The following XIRP2 variants were observed in gnomAD, a reference collection of about 807,000 sequenced individuals.
XIRP2 encodes xin actin binding repeat containing 2.
A neutral mutation model predicts 277.0 loss-of-function variants in XIRP2; 236 were observed. That is an observed-to-expected ratio of 0.85 (90% CI 0.77 to 0.95). XIRP2 has a LOEUF of 0.95. Among genes scored for constraint, XIRP2 ranks in the 40% least tolerant of loss-of-function variants. The pLI is 0.00. For synonymous variants in XIRP2, 1,490 were observed against 1,416.5 expected, an observed-to-expected ratio of 1.05 and a Z score of -1.17; for missense variants, 4,640 against 4,157.5, an observed-to-expected ratio of 1.12 and a Z score of -3.19.
intron 2 of XIRP2, among the ~76,000 whole-genome samples, chr2:167,007,832 AGT>A (rs986780840): frequency 2.6e-5 from 4 of 151,704 alleles, no homozygotes; most frequent in African/African-American, 9.6e-5. Context: ...ACATGATCAA[AGT>A]GTGTACATTT....
At chr2:167,220,023 A>G (rs1694375570) in intron 5 of XIRP2, among the ~76,000 whole-genome samples, 1 of 152,234 alleles carries the variant, frequency 6.6e-6, no homozygotes. Flanking sequence ...GTGGAGTACC[A>G]GAGCTGGCTT....
rs533131038 is a variant in XIRP2 at position 167,254,367 on chromosome 2, A to T, written c.*39+202A>T. Among the ~76,000 whole-genome samples the T allele has an allele frequency of 4.6e-5, 7 of 152,036 alleles. No individual in the cohort carries two copies. In the East Asian group the frequency reaches 1.4e-3, roughly 30 times the overall value. ...GAATTTTACTTTTCTAATCAAATCC[A>T]AAAGCATCCCTTTTGTCTGAACACA... On this transcript the variant is annotated intron_variant, in intron 10 of 10. Transcript: ENST00000409195.
intron 3 of XIRP2, among the ~76,000 whole-genome samples, chr2:167,175,539 C>A (rs1692816784): frequency 6.6e-6 from 1 of 152,104 alleles, no homozygotes; most frequent in South Asian, 2.1e-4. Flanking sequence ...CTGCCAGATG[C>A]CAGCTGGAGC....
intron 2 of XIRP2, among the ~76,000 whole-genome samples, chr2:167,005,710 T>G (rs1687485907): frequency 6.6e-6 from 1 of 151,688 alleles, no homozygotes; most frequent in South Asian, 2.1e-4. Context: ...CTTAAATTAT[T>G]TGAAACAAAA....
At chr2:167,134,262 T>A (rs1458862236) in intron 2 of XIRP2, among the ~76,000 whole-genome samples, 1 of 151,416 alleles carries the variant, frequency 6.6e-6, no homozygotes, top group Non-Finnish European at 1.5e-5. Flanking sequence ...ATATATATCT[T>A]CACATATACT....
intron 5 of XIRP2, among the ~76,000 whole-genome samples, chr2:167,230,868 T>C (rs1228950252): frequency 1.3e-5 from 2 of 152,188 alleles, no homozygotes; most frequent in East Asian, 1.9e-4. Flanking sequence ...CCAGCGAAGA[T>C]ACTGAGACTG....
chr2:166,995,524 G>T (rs1687197987), intron 2 of XIRP2, among the ~76,000 whole-genome samples: 1 of 152,094 alleles, frequency 6.6e-6, no homozygotes, highest in Admixed American at 6.5e-5. Flanking sequence ...TCATCTACAA[G>T]GTTCTTGATA....
In XIRP2 at chr2:167,248,704, A is replaced by T; in HGVS notation, c.7312A>T (p.Asn2438Tyr). The change falls in exon 9 of 11, where the codon AAC becomes TAC. Residue 2438 changes from asparagine to tyrosine, a missense_variant. Asn to Tyr is a moderately radical substitution (Grantham distance 143). Transcript: ENST00000409195. ...KLPKHIKDNK[N>Y]DFSPKVELAT... is the part of the protein sequence containing the mutation. ...TCCCAAGCATATAAAAGATAATAAG[A>T]ACGATTTTTCCCCCAAAGTTGAACT... 6.2e-7 allele frequency: 1 copy of T among 1,613,764 alleles called. No individual in the cohort carries two copies. The highest frequency in any genetic ancestry group is 1.7e-5 in the Admixed American group (1 of 59,980).
intron 2 of XIRP2, among the ~76,000 whole-genome samples, chr2:167,108,896 T>C (rs769956505): frequency 6.6e-6 from 1 of 151,888 alleles, no homozygotes; most frequent in East Asian, 1.9e-4. Context: ...GGTTCAGAGG[T>C]ACATGCATAA....
At chr2:167,002,082 T>C (rs148618371) in intron 2 of XIRP2, among the ~76,000 whole-genome samples, 1 of 152,222 alleles carries the variant, frequency 6.6e-6, no homozygotes, top group African/African-American at 2.4e-5. Flanking sequence ...TAGAGAGCTA[T>C]ACAAATAATT....
chr2:167,206,859 A>G lies in XIRP2; in HGVS notation c.563-3876A>G, dbSNP rs530494672. Among the ~76,000 whole-genome samples, 8 of 152,374 alleles carry G rather than the reference A, an allele frequency of 5.3e-5. No individual in the cohort carries two copies. In the South Asian group the frequency reaches 1.4e-3, roughly 28 times the overall value. ...TTTGAAAGTAATAGGAAATATTTAC[A>G]TTTAGAAAATGTGATGAGATGCAAT... On this transcript the variant is annotated intron_variant, in intron 3 of 10. Transcript: ENST00000409195.
chr2:167,053,195 C>A lies in XIRP2; in HGVS notation c.409-82714C>A, dbSNP rs180902862. Among the ~76,000 whole-genome samples, 186 of 152,282 alleles carry A rather than the reference C, an allele frequency of 1.2e-3. 2 individuals are homozygous for A. In the East Asian group the frequency reaches 0.031, roughly 25 times the overall value. On this transcript the variant is annotated intron_variant, in intron 2 of 10. Coordinates refer to ENST00000409195, the MANE Select transcript of XIRP2 (RefSeq NM_152381.6). ...AAGTTTCCAAATGTTTATTATGTCT[C>A]CTACTCTACAGCTATAATTTAGACA...
At chr2:167,147,411 G>A (rs1297814957) in intron 3 of XIRP2, among the ~76,000 whole-genome samples, 1 of 152,118 alleles carries the variant, frequency 6.6e-6, no homozygotes, top group Non-Finnish European at 1.5e-5. Flanking sequence ...CACTTACCCA[G>A]GTCAGATTGT....
intron 2 of XIRP2, among the ~76,000 whole-genome samples, chr2:167,130,238 A>C (rs1477830254): frequency 6.6e-6 from 1 of 151,916 alleles, no homozygotes; most frequent in Non-Finnish European, 1.5e-5. Context: ...TTTAAAAAAA[A>C]CCCCTGCTCA....
chr2:167,210,991 G>A, intron 4 of XIRP2, 96 bp downstream of exon 4: 1 of 1,458,534 alleles, frequency 6.9e-7, no homozygotes, highest in Non-Finnish European at 9.2e-7. Context: ...TACTGGACAG[G>A]GGGCTAAAGT....
rs1184272134 is a variant in XIRP2, at chr2:167,244,651, G to T, written c.3259G>T (p.Val1087Phe). Residue 1087 changes from valine to phenylalanine, a missense_variant, in exon 9 of 11, where the codon GTT becomes TTT. Val to Phe is a conservative substitution (Grantham distance 50, BLOSUM62 -1). Transcript: ENST00000409195. ...ESKTEQTRDI[V>F]KGDVKTCKWL... ...TAAAACTGAACAAACTAGAGATATTGTTAAAGGGGATGTCAAAACCTGTAA... is the reference window on the plus strand; with the variant it reads ...TAAAACTGAACAAACTAGAGATATTTTTAAAGGGGATGTCAAAACCTGTAA... 2.5e-6 allele frequency: 4 copies of T among 1,613,298 alleles called. No individual in the cohort carries two copies. The African/African-American group carries it at 4.0e-5, about 16-fold the overall frequency.
At position 167,244,792 on chromosome 2, in the gene XIRP2, C is replaced by T; in HGVS notation, c.3400C>T (p.Gln1134Ter). The T allele has an allele frequency of 6.2e-7, 1 of 1,613,544 alleles. No individual in the cohort carries two copies. Among genetic ancestry groups the T allele is most frequent in the Non-Finnish European group, 8.5e-7 (1 of 1,179,744 alleles). Reference protein sequence around the residue: ...VKTCTWLFETQPLDTIKDDSE... With the variant: ...VKTCTWLFET Reference sequence around the variant, plus strand: ...AACTTGTACTTGGCTCTTTGAAACTCAGCCACTTGATACCATAAAAGATGA... The same window carrying T: ...AACTTGTACTTGGCTCTTTGAAACTTAGCCACTTGATACCATAAAAGATGA... Residue 1134 changes from glutamine to a stop codon, truncating the protein, a stop_gained, in exon 9 of 11, where the codon CAG becomes TAG. Transcript: ENST00000409195. LOFTEE classifies it high-confidence loss of function.
At chr2:167,029,750 T>C (rs2105501858) in intron 2 of XIRP2, among the ~76,000 whole-genome samples, 1 of 152,280 alleles carries the variant, frequency 6.6e-6, no homozygotes, top group East Asian at 1.9e-4. Flanking sequence ...TCCCTCTTTT[T>C]CTATTGTTTG....
chr2:166,999,794 T>C (rs1348958543), intron 2 of XIRP2, among the ~76,000 whole-genome samples: 2 of 152,256 alleles, frequency 1.3e-5, no homozygotes, highest in East Asian at 3.9e-4. Context: ...CATAGAGAAC[T>C]AAAAATTCAA....
Sources: allele counts gnomAD v4.1 joint callset (sites outside exome capture counted in the v4.1 genomes callset), GRCh38; gene constraint gnomAD v4.1.1; transcripts MANE v1.5; gene names NCBI Gene and HGNC (gene_info 2026-07-23, HGNC 2026-07-21).